The following GRID2 variants were observed in gnomAD, a reference collection of about 807,000 sequenced individuals.
GRID2 encodes the protein glutamate receptor ionotropic, delta-2.
Under a neutral mutation model 114.8 loss-of-function variants are expected in GRID2, and 33 were observed. That is an observed-to-expected ratio of 0.29 (90% CI 0.22 to 0.38). GRID2 has a LOEUF of 0.38. Ranked by LOEUF, GRID2 falls within the 10% of genes least tolerant of loss-of-function variation. The pLI is 1.00. For synonymous variants in GRID2, 505 were observed against 449.9 expected, an observed-to-expected ratio of 1.12 and a Z score of -1.55; for missense variants, 1,184 against 1,257.7, an observed-to-expected ratio of 0.94 and a Z score of 0.89.
intron 13 of GRID2, among the ~76,000 whole-genome samples, chr4:93,602,512 T>C (rs915590424): frequency 1.3e-5 from 2 of 152,198 alleles, no homozygotes; most frequent in Non-Finnish European, 2.9e-5. Flanking sequence ...AACTTTTTCA[T>C]TGTTATTATA....
At chr4:93,158,007 T>G (rs1348493371) in intron 4 of GRID2, among the ~76,000 whole-genome samples, 1 of 151,876 alleles carries the variant, frequency 6.6e-6, no homozygotes, top group Non-Finnish European at 1.5e-5. Flanking sequence ...CATGTAGTGT[T>G]ATTTTAGGAC....
At chr4:93,088,901 A>G (rs936354173) in intron 3 of GRID2, among the ~76,000 whole-genome samples, 1 of 152,140 alleles carries the variant, frequency 6.6e-6, no homozygotes, top group Non-Finnish European at 1.5e-5. Context: ...ATCATTTATC[A>G]GTATAAAGGG....
At chr4:92,997,298 A>G (rs765599899) in intron 2 of GRID2, among the ~76,000 whole-genome samples, 1 of 152,100 alleles carries the variant, frequency 6.6e-6, no homozygotes, top group Non-Finnish European at 1.5e-5. Context: ...TGAAAGTTTG[A>G]TATAGTCAGA....
intron 2 of GRID2, among the ~76,000 whole-genome samples, chr4:92,813,426 A>G (rs1740744285): frequency 6.6e-6 from 1 of 152,132 alleles, no homozygotes; most frequent in South Asian, 2.1e-4. Flanking sequence ...TATCTCCCAA[A>G]GACCCTAACT....
At chr4:93,687,956 A>C (rs961452049) in intron 14 of GRID2, among the ~76,000 whole-genome samples, 9 of 152,008 alleles carry the variant, frequency 5.9e-5, no homozygotes, top group Non-Finnish European at 1.3e-4. Context: ...AGTCCTTCAG[A>C]ATGACATGAG....
chr4:93,680,957 A>AGG (rs1553982757), intron 14 of GRID2, among the ~76,000 whole-genome samples: 2 of 148,792 alleles, frequency 1.3e-5, no homozygotes, highest in Non-Finnish European at 3.0e-5. Flanking sequence ...AGGAAATATA[A>AGG]GGTATTCAAT....
chr4:93,434,575 T>C (rs1720885276), intron 10 of GRID2, among the ~76,000 whole-genome samples: 1 of 152,108 alleles, frequency 6.6e-6, no homozygotes, highest in Non-Finnish European at 1.5e-5. Context: ...AAAAACAGCC[T>C]TTATTTCCAT....
At chr4:93,123,244 T>C (rs1358281504) in intron 4 of GRID2, among the ~76,000 whole-genome samples, 1 of 152,190 alleles carries the variant, frequency 6.6e-6, no homozygotes, top group Non-Finnish European at 1.5e-5. Context: ...TGCTGGTTTT[T>C]ACTTTATACT....
chr4:93,544,968 A>G (rs2149532980), intron 13 of GRID2, among the ~76,000 whole-genome samples: 1 of 152,180 alleles, frequency 6.6e-6, no homozygotes, highest in African/African-American at 2.4e-5. Context: ...TTACATCTAA[A>G]ATGATGCATT....
intron 13 of GRID2, among the ~76,000 whole-genome samples, chr4:93,585,962 A>G (rs1737499497): frequency 6.6e-6 from 1 of 152,002 alleles, no homozygotes; most frequent in South Asian, 2.1e-4. Flanking sequence ...CTTCATTCTC[A>G]TGTTTTGCAC....
chr4:92,850,031 A>G (rs1743651831), intron 2 of GRID2, among the ~76,000 whole-genome samples: 1 of 151,372 alleles, frequency 6.6e-6, no homozygotes, highest in African/African-American at 2.4e-5. Context: ...AATTATATTT[A>G]TGGTTCTCAG....
intron 2 of GRID2, among the ~76,000 whole-genome samples, chr4:92,850,304 G>T (rs1743680888): frequency 1.3e-5 from 2 of 148,262 alleles, no homozygotes; most frequent in East Asian, 3.9e-4. Context: ...ATTATTCTCT[G>T]TTACACACCT....
rs887054676 is a variant in GRID2 at position 93,437,676 on chromosome 4, A to C, written c.1545+14708A>C. Among the ~76,000 whole-genome samples the C allele has an allele frequency of 3.3e-5, 5 of 152,146 alleles. 1 individual carries two copies. Among genetic ancestry groups the C allele is most frequent in the Admixed American group, 3.3e-4 (5 of 15,260 alleles). ...AATTAAAACTTTTAGAAAGGACTGC[A>C]ATATACTGTACAGTCTATATCTCAC... On this transcript the variant is annotated intron_variant, in intron 10 of 15. Coordinates refer to ENST00000282020, the MANE Select transcript of GRID2 (RefSeq NM_001510.4).
At chr4:93,699,234 G>A (rs891828360) in intron 14 of GRID2, among the ~76,000 whole-genome samples, 7 of 151,998 alleles carry the variant, frequency 4.6e-5, no homozygotes, top group African/African-American at 1.7e-4. Flanking sequence ...TAAAGCATTT[G>A]GAATGAGTTC....
intron 13 of GRID2, among the ~76,000 whole-genome samples, chr4:93,589,390 T>G (rs1456652578): frequency 1.3e-5 from 2 of 151,930 alleles, no homozygotes; most frequent in African/African-American, 2.4e-5. Flanking sequence ...ACTCATCATT[T>G]TTTATGGCTG....
intron 2 of GRID2, among the ~76,000 whole-genome samples, chr4:92,761,347 G>T (rs1264934199): frequency 6.6e-6 from 1 of 152,146 alleles, no homozygotes; most frequent in Non-Finnish European, 1.5e-5. Flanking sequence ...GTAATGACCA[G>T]CTATTTGTAC....
At chr4:92,663,288 A>G (rs1266985346) in intron 2 of GRID2, among the ~76,000 whole-genome samples, 2 of 151,190 alleles carry the variant, frequency 1.3e-5, no homozygotes, top group Admixed American at 6.6e-5. Flanking sequence ...TAGGGCATTA[A>G]TAAACACTGG....
chr4:93,016,058 T>A (rs1288166655), intron 2 of GRID2, among the ~76,000 whole-genome samples: 2 of 113,584 alleles, frequency 1.8e-5, no homozygotes, highest in African/African-American at 7.4e-5. Context: ...GAAGTGTGTG[T>A]GTGAGTGTGT....
chr4:93,325,791 G>A (rs1163781075), intron 8 of GRID2, among the ~76,000 whole-genome samples: 1 of 151,858 alleles, frequency 6.6e-6, no homozygotes, highest in East Asian at 1.9e-4. Flanking sequence ...TTTTGATACT[G>A]GAACCTTTTG....
Sources: gnomAD v4.1 joint callset for allele counts (sites outside exome capture counted in the v4.1 genomes callset) on GRCh38, gnomAD v4.1.1 for gene constraint, MANE v1.5 for transcripts, NCBI Gene and HGNC (gene_info 2026-07-23, HGNC 2026-07-21) for gene names.